ARMH4: variants seen among roughly 807,000 people sequenced by gnomAD.
ARMH4 encodes armadillo like helical domain containing 4.
Under a neutral mutation model 61.9 loss-of-function variants are expected in ARMH4, and 49 were observed. The observed-to-expected ratio is 0.79, with a 90% CI of 0.63 to 1.00. ARMH4 has a LOEUF of 1.00. Ranked by LOEUF, ARMH4 falls within the 50% of genes least tolerant of loss-of-function variation. The pLI, the probability that ARMH4 is intolerant of heterozygous loss-of-function variation, is 0.00. For missense variants in ARMH4, 934 were observed against 930.0 expected (o/e 1.00, Z -0.06); for synonymous variants, 368 against 341.5 (o/e 1.08, Z -0.85).
Position 58,030,283 on chromosome 14 carries a change from T to C in ARMH4, c.2090-18133A>G, listed in dbSNP as rs541113314. 1.1e-4 allele frequency among the ~76,000 whole-genome samples: 17 copies of C among 152,276 alleles called. No individual in the cohort carries two copies. In the South Asian group the frequency reaches 1.7e-3, roughly 15 times the overall value. ...CTGATGCACTCCCTGCTGCCCAGCA[T>C]TACAGGCAGGCCAGCCAGCCTAGAT... On this transcript the variant is annotated intron_variant, in intron 5 of 7. Transcript: ENST00000267485.
intron 1 of ARMH4, among the ~76,000 whole-genome samples, chr14:58,148,784 CTAACAA>C (rs932854493): frequency 2.6e-5 from 4 of 152,030 alleles, no homozygotes; most frequent in Admixed American, 6.6e-5. Context: ...AACTGTCACT[CTAACAA>C]TAACAATAAC....
At chr14:58,146,185 A>G (rs1046118781) in intron 1 of ARMH4, among the ~76,000 whole-genome samples, 1 of 152,276 alleles carries the variant, frequency 6.6e-6, no homozygotes, top group Non-Finnish European at 1.5e-5. Context: ...TGGCTGAACA[A>G]ACAGATGAAT....
At chr14:58,026,821 A>G (rs557812666) in intron 5 of ARMH4, among the ~76,000 whole-genome samples, 1 of 152,280 alleles carries the variant, frequency 6.6e-6, no homozygotes, top group East Asian at 1.9e-4. Flanking sequence ...TCCACTGATA[A>G]AAAGCCATGG....
chr14:58,101,404 G>C (rs2141271708), intron 4 of ARMH4: 2 of 152,342 alleles, frequency 1.3e-5, no homozygotes, highest in South Asian at 4.1e-4. Context: ...AAGAGAAAAA[G>C]GAAAAGGACA....
intron 6 of ARMH4, among the ~76,000 whole-genome samples, chr14:58,007,868 A>G (rs1882237805): frequency 6.6e-6 from 1 of 152,242 alleles, no homozygotes; most frequent in South Asian, 2.1e-4. Context: ...GAAAACATCC[A>G]ACAAACTTAA....
At chr14:58,078,567 T>C (rs115408986) in intron 5 of ARMH4, among the ~76,000 whole-genome samples, 2 of 152,222 alleles carry the variant, frequency 1.3e-5, no homozygotes, top group Non-Finnish European at 2.9e-5. Flanking sequence ...GTACCAACCA[T>C]GTACCAACAA....
intron 5 of ARMH4, among the ~76,000 whole-genome samples, chr14:58,084,876 G>C (rs1299343754): frequency 6.6e-6 from 1 of 152,220 alleles, no homozygotes; most frequent in Non-Finnish European, 1.5e-5. Flanking sequence ...AAGGTTCTGA[G>C]TTGGAAAAGC....
intron 4 of ARMH4, among the ~76,000 whole-genome samples, chr14:58,100,194 G>A (rs1275662160): frequency 6.6e-6 from 1 of 152,154 alleles, no homozygotes; most frequent in Non-Finnish European, 1.5e-5. Flanking sequence ...TAAAAAAACT[G>A]GAAAGGAAAA....
chr14:58,038,764 A>G (rs965828651), intron 5 of ARMH4, among the ~76,000 whole-genome samples: 4 of 152,210 alleles, frequency 2.6e-5, no homozygotes, highest in Non-Finnish European at 4.4e-5. Flanking sequence ...ATATGAAATT[A>G]TCTGTAATAT....
At chr14:58,064,945 T>C (rs1397250783) in intron 5 of ARMH4, among the ~76,000 whole-genome samples, 2 of 152,160 alleles carry the variant, frequency 1.3e-5, no homozygotes, top group African/African-American at 2.4e-5. Context: ...AACGATGCCA[T>C]TGACTTAAGA....
intron 4 of ARMH4, among the ~76,000 whole-genome samples, chr14:58,098,046 C>G (rs1488519965): frequency 1.3e-5 from 2 of 152,152 alleles, no homozygotes; most frequent in African/African-American, 4.8e-5. Context: ...AAGGCCTTCC[C>G]TTTGCTCTCT....
At chr14:58,106,800 G>T (rs888648670) in intron 4 of ARMH4, among the ~76,000 whole-genome samples, 4 of 124,178 alleles carry the variant, frequency 3.2e-5, no homozygotes, top group African/African-American at 1.0e-4. Context: ...TACTTGGTAG[G>T]TGAAAAAAAA....
intron 5 of ARMH4, among the ~76,000 whole-genome samples, chr14:58,045,537 A>T (rs1883904739): frequency 6.6e-6 from 1 of 151,960 alleles, no homozygotes; most frequent in Non-Finnish European, 1.5e-5. Flanking sequence ...GGTGCGGCAC[A>T]CCAACATGGC....
intron 5 of ARMH4, among the ~76,000 whole-genome samples, chr14:58,044,589 G>A (rs1883860403): frequency 6.6e-6 from 1 of 152,146 alleles, no homozygotes; most frequent in South Asian, 2.1e-4. Flanking sequence ...CAAAAGCAAT[G>A]ACAACAAAAG....
chr14:58,004,892 A>C (rs1436539306), intron 7 of ARMH4, 88 bp from the exon 8 acceptor site: 1 of 1,531,280 alleles, frequency 6.5e-7, no homozygotes, highest in African/African-American at 1.4e-5. Flanking sequence ...CATGCTAACA[A>C]ACGAAGCCAA....
intron 5 of ARMH4, among the ~76,000 whole-genome samples, chr14:58,039,048 G>A (rs536600088): frequency 6.6e-6 from 1 of 152,266 alleles, no homozygotes; most frequent in East Asian, 1.9e-4. Context: ...GCTTCCCCTG[G>A]ACTGCTCCCA....
intron 4 of ARMH4, among the ~76,000 whole-genome samples, chr14:58,117,451 T>G (rs961050387): frequency 6.6e-6 from 1 of 152,204 alleles, no homozygotes; most frequent in Non-Finnish European, 1.5e-5. Context: ...CCCTTCAAAA[T>G]GTAAAGCATG....
intron 5 of ARMH4, among the ~76,000 whole-genome samples, chr14:58,096,360 C>T (rs766021041): frequency 6.6e-6 from 1 of 152,186 alleles, no homozygotes; most frequent in African/African-American, 2.4e-5. Flanking sequence ...TATCTCCTCC[C>T]TGTGCGGATG....
At chr14:58,075,375 C>T (rs1443231785) in intron 5 of ARMH4, among the ~76,000 whole-genome samples, 2 of 152,170 alleles carry the variant, frequency 1.3e-5, no homozygotes, top group South Asian at 4.1e-4. Context: ...CAATGATAGA[C>T]TGGATAAAGA....
Sources: gnomAD v4.1 joint callset for allele counts (sites outside exome capture counted in the v4.1 genomes callset) on GRCh38, gnomAD v4.1.1 for gene constraint, MANE v1.5 for transcripts, NCBI Gene and HGNC (gene_info 2026-07-23, HGNC 2026-07-21) for gene names.